The following DSCAM variants were observed in gnomAD, a reference collection of about 807,000 sequenced individuals.
DSCAM encodes the protein DS cell adhesion molecule, also known as cell adhesion molecule DSCAM.
A neutral mutation model predicts 217.7 loss-of-function variants in DSCAM; 47 were observed. The ratio of observed to expected loss-of-function variants is 0.22; its 90% CI spans 0.17 to 0.28. DSCAM has a LOEUF of 0.28. Among genes scored for constraint, DSCAM ranks in the 10% least tolerant of loss-of-function variants. DSCAM has a pLI of 1.00. For synonymous variants in DSCAM, 1,056 were observed against 1,015.3 expected (o/e 1.04, Z -0.76); for missense variants, 2,080 against 2,618.3 (o/e 0.79, Z 4.49).
intron 1 of DSCAM, among the ~76,000 whole-genome samples, chr21:40,757,109 C>G (rs1037068554): frequency 6.6e-6 from 1 of 152,046 alleles, no homozygotes; most frequent in African/African-American, 2.4e-5. Context: ...ACTGCAAGCT[C>G]CACCTCCGGG....
intron 1 of DSCAM, among the ~76,000 whole-genome samples, chr21:40,750,271 T>G (rs1029062090): frequency 1.3e-5 from 2 of 152,194 alleles, no homozygotes; most frequent in Admixed American, 1.3e-4. Context: ...TCTCTCATTT[T>G]AAGCTGGCTT....
At chr21:40,742,734 G>A (rs1304518189) in intron 1 of DSCAM, among the ~76,000 whole-genome samples, 1 of 152,088 alleles carries the variant, frequency 6.6e-6, no homozygotes, top group Non-Finnish European at 1.5e-5. Flanking sequence ...ACTTTGAATG[G>A]ATTACGTCCT....
intron 16 of DSCAM, among the ~76,000 whole-genome samples, chr21:40,149,985 GCCA>G (rs1434597788): frequency 6.6e-6 from 1 of 152,086 alleles, no homozygotes; most frequent in East Asian, 1.9e-4. Context: ...CAACATGAAT[GCCA>G]CCACAATGAC....
At chr21:40,257,675 G>T (rs2073392916) in intron 11 of DSCAM, among the ~76,000 whole-genome samples, 1 of 151,722 alleles carries the variant, frequency 6.6e-6, no homozygotes, top group Admixed American at 6.6e-5. Flanking sequence ...ATTTTACAGT[G>T]GCACATGAGA....
chr21:40,556,452 C>T (rs1039588487), intron 3 of DSCAM, among the ~76,000 whole-genome samples: 1 of 152,142 alleles, frequency 6.6e-6, no homozygotes, highest in Admixed American at 6.5e-5. Flanking sequence ...TACTATATGT[C>T]TTAGTCTATT....
intron 22 of DSCAM, among the ~76,000 whole-genome samples, chr21:40,086,091 ATT>A (rs1222169712): frequency 3.9e-5 from 6 of 152,342 alleles, no homozygotes; most frequent in African/African-American, 1.4e-4. Flanking sequence ...AGATATCCTC[ATT>A]TTGGCAATTC....
At chr21:40,817,027 A>G (rs548964105) in intron 1 of DSCAM, among the ~76,000 whole-genome samples, 3 of 152,250 alleles carry the variant, frequency 2.0e-5, no homozygotes, top group Admixed American at 1.3e-4. Context: ...TAAGGATTGA[A>G]TTCTCATTCA....
At chr21:40,288,332 C>G (rs2073852467) in intron 10 of DSCAM, among the ~76,000 whole-genome samples, 1 of 152,158 alleles carries the variant, frequency 6.6e-6, no homozygotes, top group Non-Finnish European at 1.5e-5. Flanking sequence ...ACTCAATATT[C>G]TAATGACATC....
intron 11 of DSCAM, among the ~76,000 whole-genome samples, chr21:40,218,999 C>G (rs924835030): frequency 1.3e-5 from 2 of 152,170 alleles, no homozygotes; most frequent in Non-Finnish European, 2.9e-5. Flanking sequence ...CTAGCTAGGA[C>G]TTTCAATAGT....
At chr21:40,737,979 G>A (rs2091081601) in intron 1 of DSCAM, among the ~76,000 whole-genome samples, 1 of 152,166 alleles carries the variant, frequency 6.6e-6, no homozygotes, top group South Asian at 2.1e-4. Flanking sequence ...TAGTCTGAGA[G>A]GTAGCTCTCA....
chr21:40,516,881 C>T (rs1314680824), intron 3 of DSCAM, among the ~76,000 whole-genome samples: 2 of 139,770 alleles, frequency 1.4e-5, no homozygotes, highest in Non-Finnish European at 3.0e-5. Context: ...CATGCGCACA[C>T]ACACACCATA....
chr21:40,369,311 G>T, intron 3 of DSCAM, 66 bp from the exon 4 acceptor site: 1 of 1,496,200 alleles, frequency 6.7e-7, no homozygotes, highest in Non-Finnish European at 8.9e-7. Context: ...CACAGACAAA[G>T]TCCTTAAACA....
intron 14 of DSCAM, among the ~76,000 whole-genome samples, chr21:40,184,285 G>GACTA (rs2090870294): frequency 6.6e-6 from 1 of 152,164 alleles, no homozygotes; most frequent in African/African-American, 2.4e-5. Flanking sequence ...TGAAAAATCT[G>GACTA]ACTAACACAA....
At chr21:40,751,876 C>T (rs2146563874) in intron 1 of DSCAM, among the ~76,000 whole-genome samples, 1 of 152,280 alleles carries the variant, frequency 6.6e-6, no homozygotes, top group East Asian at 1.9e-4. Context: ...CAGAGTGCAT[C>T]ACCTCCTTGT....
intron 11 of DSCAM, among the ~76,000 whole-genome samples, chr21:40,264,434 A>C (rs577037103): frequency 5.3e-5 from 8 of 152,346 alleles, no homozygotes; most frequent in Admixed American, 5.2e-4. Context: ...TTCATCACAT[A>C]AACATAATTA....
At chr21:40,690,407 CTT>C (rs1471476576) in intron 3 of DSCAM, among the ~76,000 whole-genome samples, 1 of 152,242 alleles carries the variant, frequency 6.6e-6, no homozygotes, top group African/African-American at 2.4e-5. Flanking sequence ...CTCTCTCTCC[CTT>C]TCTTTCAGTG....
intron 1 of DSCAM, among the ~76,000 whole-genome samples, chr21:40,757,103 C>T (rs554886008): frequency 1.3e-5 from 2 of 152,216 alleles, no homozygotes; most frequent in East Asian, 3.9e-4. Context: ...CGGCTCACTG[C>T]AAGCTCCACC....
At chr21:40,208,126 A>G (rs2091145468) in intron 11 of DSCAM, among the ~76,000 whole-genome samples, 1 of 152,222 alleles carries the variant, frequency 6.6e-6, no homozygotes, top group African/African-American at 2.4e-5. Flanking sequence ...GATTTAGTGT[A>G]TGTTCCCATC....
intron 3 of DSCAM, among the ~76,000 whole-genome samples, chr21:40,549,745 T>C (rs1357553518): frequency 6.6e-6 from 1 of 152,116 alleles, no homozygotes; most frequent in African/African-American, 2.4e-5. Flanking sequence ...TATATTGACG[T>C]TTGGAAACCC....
Sources: gnomAD v4.1 joint callset for allele counts (sites outside exome capture counted in the v4.1 genomes callset) on GRCh38, gnomAD v4.1.1 for gene constraint, MANE v1.5 for transcripts, NCBI Gene and HGNC (gene_info 2026-07-23, HGNC 2026-07-21) for gene names.